Variants in PCDHGA5 observed in about 807,000 individuals in gnomAD.
PCDHGA5 encodes protocadherin gamma subfamily A, 5, also known as protocadherin gamma-A5.
Under a neutral mutation model 56.7 loss-of-function variants are expected in PCDHGA5, and 36 were observed. The ratio of observed to expected loss-of-function variants is 0.64; its 90% CI spans 0.49 to 0.84. The LOEUF is 0.84. PCDHGA5 is among the 40% of genes least tolerant of loss of function. The probability of loss-of-function intolerance (pLI) is 0.00; values close to 1 mark genes in which losing one functional copy is unlikely to be tolerated. For missense variants in PCDHGA5, 1,305 were observed against 1,201.5 expected (o/e 1.09, Z -1.27); for synonymous variants, 563 against 520.2 (o/e 1.08, Z -1.12).
chr5:141,436,555 G>A (rs562422182), intron 1 of PCDHGA5, among the ~76,000 whole-genome samples: 1 of 152,252 alleles, frequency 6.6e-6, no homozygotes, highest in South Asian at 2.1e-4. Flanking sequence ...TTGAGCTTCA[G>A]CAAAGTAGGA....
At chr5:141,375,056 CCAGGT>C in intron 1 of PCDHGA5, 2 of 1,613,966 alleles carry the variant, frequency 1.2e-6, no homozygotes, top group Non-Finnish European at 1.7e-6. Flanking sequence ...CCGGGATGGG[CCAGGT>C]CTTCGAGACA....
Position 141,511,256 on chromosome 5 carries a change from TTCAGGGC to T in PCDHGA5, c.*85_*91del. 6.4e-7 allele frequency: 1 copy of T among 1,563,506 alleles called. No individual in the cohort carries two copies. Among genetic ancestry groups the T allele is most frequent in the Non-Finnish European group, 8.7e-7 (1 of 1,154,422 alleles). The stretch of plus-strand genomic sequence containing the variant: ...CTTACCTGCACCCAGGCCTCAGAGT[TTCAGGGC>T]TAACCCCCAGAATACTGGTAGGGGC... On this transcript the variant is annotated 3_prime_UTR_variant, in exon 4 of 4. Coordinates refer to ENST00000518069, the MANE Select transcript of PCDHGA5 (RefSeq NM_018918.3).
intron 1 of PCDHGA5, chr5:141,389,855 G>T: frequency 6.2e-7 from 1 of 1,614,060 alleles, no homozygotes; most frequent in Non-Finnish European, 8.5e-7. Context: ...CCACTGCCAC[G>T]TTGCACCTGG....
At chr5:141,419,052 C>A (rs1017300472) in intron 1 of PCDHGA5, 6 of 1,613,948 alleles carry the variant, frequency 3.7e-6, no homozygotes, top group East Asian at 2.2e-5. Context: ...CATTCTTCTT[C>A]TAATAATTAC....
chr5:141,496,795 T>C (rs886559302), intron 2 of PCDHGA5, among the ~76,000 whole-genome samples: 27 of 151,976 alleles, frequency 1.8e-4, no homozygotes, highest in Middle Eastern at 3.4e-3. Flanking sequence ...GTGCTAAACA[T>C]TGGGCTATAG....
At chr5:141,375,022 T>G in intron 1 of PCDHGA5, 1 of 1,613,828 alleles carries the variant, frequency 6.2e-7, no homozygotes, top group Admixed American at 1.7e-5. Flanking sequence ...AGGACTCGAG[T>G]TTTTATGAGC....
intron 1 of PCDHGA5, chr5:141,414,738 C>A: frequency 6.2e-7 from 1 of 1,614,238 alleles, no homozygotes; most frequent in Non-Finnish European, 8.5e-7. Context: ...TGTATGCACT[C>A]AGATCCTTCG....
chr5:141,409,868 A>C (rs2095328786), intron 1 of PCDHGA5: 2 of 1,612,688 alleles, frequency 1.2e-6, no homozygotes, highest in Admixed American at 1.7e-5. Flanking sequence ...GGGAGACCGC[A>C]ATGACAACGC....
intron 1 of PCDHGA5, among the ~76,000 whole-genome samples, chr5:141,481,215 G>T (rs1238465869): frequency 6.6e-6 from 1 of 152,152 alleles, no homozygotes; most frequent in Non-Finnish European, 1.5e-5. Context: ...AACATGGTAA[G>T]GTCTCCCAGC....
chr5:141,397,509 T>G (rs2093532710), intron 1 of PCDHGA5, among the ~76,000 whole-genome samples: 1 of 152,204 alleles, frequency 6.6e-6, no homozygotes, highest in African/African-American at 2.4e-5. Flanking sequence ...TAAAATTGTT[T>G]CCATAGCTAA....
At chr5:141,389,585 C>G in intron 1 of PCDHGA5, 1 of 1,613,182 alleles carries the variant, frequency 6.2e-7, no homozygotes, top group Non-Finnish European at 8.5e-7. Context: ...CGCTGGGTCC[C>G]GACGGCTCTG....
At position 141,512,815 on chromosome 5, in the gene PCDHGA5, A is replaced by AC. The variant is rs1215322144; in HGVS notation, c.*1647dup. ...TGTGCTGTGTCCACGCGCTAAGGCG[A>AC]CCCCCTCCCCCGTACTGACTTCTCC... is the stretch of plus-strand genomic sequence containing the variant. On this transcript the variant is annotated 3_prime_UTR_variant, in exon 4 of 4. Coordinates refer to ENST00000518069, the MANE Select transcript of PCDHGA5 (RefSeq NM_018918.3). The AC allele has an allele frequency of 6.7e-6, 1 of 149,682 alleles. No homozygotes were observed. The highest frequency in any genetic ancestry group is 1.5e-5 in the Non-Finnish European group (1 of 67,474). 9.3% of individuals were successfully genotyped at this position (149,682 alleles called of 1,614,324 possible).
intron 1 of PCDHGA5, chr5:141,372,300 GAGGCCGCCCGCC>G (rs769286346): frequency 1.2e-6 from 2 of 1,613,366 alleles, no homozygotes; most frequent in Non-Finnish European, 1.7e-6. Flanking sequence ...GGGCGACAGG[GAGGCCGCCCGCC>G]AGCGCCTGCT....
In PCDHGA5 at chr5:141,364,349, G is replaced by C. The variant is rs758855393; in HGVS notation, c.19G>C (p.Gly7Arg). 1 of 1,549,456 alleles carries C rather than the reference G, an allele frequency of 6.5e-7. No individual in the cohort carries two copies. The highest frequency in any genetic ancestry group is 1.7e-4 in the Middle Eastern group (1 of 5,742). ...GAAGGCAATGGCGAGTCCACCTAGG[G>C]GCTGGGGCTGCGGAGAGCTGCTGCT... is the stretch of plus-strand genomic sequence containing the variant. MASPPR[G>R]WGCGELLLPF... is the part of the protein sequence containing the mutation. Residue 7 changes from glycine (G) to arginine (R), a missense_variant, in exon 1 of 4, where the codon GGC becomes CGC. Physicochemically the swap from Gly to Arg is moderately radical, Grantham distance 125 (BLOSUM62 -2). Transcript: ENST00000518069.
At chr5:141,458,090 G>C (rs1306631184) in intron 1 of PCDHGA5, among the ~76,000 whole-genome samples, 2 of 152,234 alleles carry the variant, frequency 1.3e-5, no homozygotes, top group Non-Finnish European at 1.5e-5. Context: ...CGTAAGTTAA[G>C]AGTACTTACA....
chr5:141,465,923 C>A (rs908350232), intron 1 of PCDHGA5, among the ~76,000 whole-genome samples: 2 of 152,062 alleles, frequency 1.3e-5, no homozygotes, highest in African/African-American at 4.8e-5. Flanking sequence ...GATTTCGAGT[C>A]CATCCTGGCT....
In PCDHGA5 at chr5:141,494,676, C is replaced by T. The variant is rs2099755997; in HGVS notation, c.2422-131C>T. On this transcript the variant is annotated intron_variant, in intron 1 of 3. Transcript: ENST00000518069. ...TTTGTCTTTGGAGATGAGTCCACCCCTGCCCCCTCTTAGTCCGTTTTCTTC... is the reference window on the plus strand; with the variant it reads ...TTTGTCTTTGGAGATGAGTCCACCCTTGCCCCCTCTTAGTCCGTTTTCTTC... 1.7e-5 allele frequency: 26 copies of T among 1,550,800 alleles called. No individual in the cohort carries two copies. In the South Asian group the frequency reaches 3.0e-4, roughly 18 times the overall value.
Position 141,383,564 on chromosome 5 carries a change from G to A in PCDHGA5, c.2421+16813G>A, listed in dbSNP as rs767546411. On this transcript the variant is annotated intron_variant, in intron 1 of 3. Coordinates refer to ENST00000518069, the MANE Select transcript of PCDHGA5 (RefSeq NM_018918.3). ...GCCTCTGATGGCGGCGACCCGCCCC[G>A]ATCCAGCACCGCCCACATCCAGGTG... 6.2e-6 allele frequency: 10 copies of A among 1,612,926 alleles called. No homozygotes were observed. In the East Asian group the frequency reaches 6.7e-5, roughly 11 times the overall value.
At chr5:141,384,798 G>A in intron 1 of PCDHGA5, 3 of 1,613,448 alleles carry the variant, frequency 1.9e-6, no homozygotes, top group Non-Finnish European at 2.5e-6. Flanking sequence ...GGGCCCTGCT[G>A]GACAGAGATG....
Sources: gnomAD v4.1 joint callset for allele counts (sites outside exome capture counted in the v4.1 genomes callset) on GRCh38, gnomAD v4.1.1 for gene constraint, MANE v1.5 for transcripts, NCBI Gene and HGNC (gene_info 2026-07-23, HGNC 2026-07-21) for gene names.